CPNE4: variants seen among roughly 807,000 people sequenced by gnomAD.
CPNE4 encodes copine 4.
Under a neutral mutation model 67.9 loss-of-function variants are expected in CPNE4, and 25 were observed. That is an observed-to-expected ratio of 0.37 (90% CI 0.27 to 0.51). CPNE4 has a LOEUF of 0.51. Among genes scored for constraint, CPNE4 ranks in the 20% least tolerant of loss-of-function variants. CPNE4 has a pLI of 0.93. For synonymous variants in CPNE4, 242 were observed against 244.9 expected (o/e 0.99, Z 0.11); for missense variants, 464 against 690.8 (o/e 0.67, Z 3.68).
chr3:131,537,282 T>G (rs563993027), intron 15 of CPNE4, among the ~76,000 whole-genome samples: 2 of 143,592 alleles, frequency 1.4e-5, no homozygotes, highest in South Asian at 2.2e-4. Context: ...TTTTCTTTTC[T>G]GTTTTTTTTT....
intron 6 of CPNE4, 85 bp from the exon 7 acceptor site, chr3:131,669,849 A>G (rs2080364378): frequency 2.0e-6 from 2 of 1,024,118 alleles, no homozygotes; most frequent in Non-Finnish European, 3.0e-6. Context: ...TTGAGAAACC[A>G]TTGTGATGCT....
At chr3:131,971,300 G>T (rs2072494677) in intron 1 of CPNE4, among the ~76,000 whole-genome samples, 1 of 152,168 alleles carries the variant, frequency 6.6e-6, no homozygotes, top group South Asian at 2.1e-4. Flanking sequence ...GTAAGTCCTA[G>T]AACATCACTT....
At chr3:131,651,125 A>G (rs2079807149) in intron 7 of CPNE4, among the ~76,000 whole-genome samples, 1 of 152,168 alleles carries the variant, frequency 6.6e-6, no homozygotes, top group Admixed American at 6.5e-5. Flanking sequence ...AAGGCAAAAG[A>G]GAGTTTTTAT....
chr3:131,968,171 C>T lies in CPNE4; in HGVS notation c.-1-62727G>A, dbSNP rs140005258. ...GCTAGTGATATTCAGAAAACTGAAA[C>T]TGGACCCCTTCCTTACACCTTATAC... On this transcript the variant is annotated intron_variant, in intron 1 of 15. Transcript: ENST00000429747. Among the ~76,000 whole-genome samples the T allele has an allele frequency of 2.4e-3, 365 of 152,276 alleles. 3 individuals carry two copies. The highest frequency in any genetic ancestry group is 8.4e-3 in the African/African-American group (350 of 41,550).
At chr3:131,538,115 G>A (rs1341430435) in intron 15 of CPNE4, among the ~76,000 whole-genome samples, 1 of 152,222 alleles carries the variant, frequency 6.6e-6, no homozygotes, top group South Asian at 2.1e-4. Context: ...ATCCCTGTAA[G>A]ATGGATTTAC....
At chr3:131,619,627 G>A (rs1198846280) in intron 7 of CPNE4, among the ~76,000 whole-genome samples, 4 of 152,204 alleles carry the variant, frequency 2.6e-5, no homozygotes, top group Admixed American at 6.5e-5. Flanking sequence ...TTCAAACAAA[G>A]GTGTGCCTGA....
At chr3:131,779,854 A>G (rs1560294398) in intron 2 of CPNE4, among the ~76,000 whole-genome samples, 3 of 152,166 alleles carry the variant, frequency 2.0e-5, no homozygotes, top group African/African-American at 7.2e-5. Flanking sequence ...TAATTAAACT[A>G]AAGAACTTCT....
intron 1 of CPNE4, among the ~76,000 whole-genome samples, chr3:132,015,427 G>C (rs560208344): frequency 1.7e-4 from 26 of 152,100 alleles, no homozygotes; most frequent in Non-Finnish European, 3.2e-4. Flanking sequence ...TAAAAGAAGG[G>C]AAGGAAAGCT....
rs557344648 is a variant in CPNE4 at position 131,834,719 on chromosome 3, G to GA, written c.180+70544dup. ...ATCTGATCTTAGGAGGTAAAAAGAA[G>GA]AAATCACAGTAGAAAAAAACTATAG... On this transcript the variant is annotated intron_variant, in intron 2 of 15. Coordinates refer to ENST00000429747, the MANE Select transcript of CPNE4 (RefSeq NM_130808.3). Among the ~76,000 whole-genome samples the GA allele has an allele frequency of 4.4e-3, 670 of 152,032 alleles. 10 individuals are homozygous for GA. The highest frequency in any genetic ancestry group is 0.015 in the African/African-American group (630 of 41,492).
intron 1 of CPNE4, among the ~76,000 whole-genome samples, chr3:131,951,734 C>T (rs956369428): frequency 3.7e-4 from 57 of 152,228 alleles, no homozygotes; most frequent in African/African-American, 1.3e-3. Flanking sequence ...GACTGGTTTT[C>T]GTATTTTTTT....
intron 2 of CPNE4, among the ~76,000 whole-genome samples, chr3:131,830,208 C>A (rs1385394487): frequency 2.1e-4 from 32 of 152,114 alleles, no homozygotes; most frequent in Admixed American, 2.1e-3. Flanking sequence ...CACTCCATAT[C>A]CAATTCATCC....
At chr3:131,936,650 C>CA (rs112919063) in intron 1 of CPNE4, among the ~76,000 whole-genome samples, 26,385 of 149,172 alleles carry the variant, frequency 0.18, 2,799 homozygotes, top group African/African-American at 0.31. Context: ...TGGAAAAGAG[C>CA]AAAAAAAAAA....
At position 131,757,646 on chromosome 3, in the gene CPNE4, G is replaced by A. The variant is rs1320927415; in HGVS notation, c.181-34021C>T. Among the ~76,000 whole-genome samples the A allele has an allele frequency of 3.3e-5, 5 of 152,212 alleles. No homozygotes were observed. In the East Asian group the frequency reaches 9.6e-4, roughly 29 times the overall value. ...CTGCAGAAATTTGCATAAGTAGCAA[G>A]GAACCTAATGTTAATCCCCAACACC... On this transcript the variant is annotated intron_variant, in intron 2 of 15. Transcript: ENST00000429747.
chr3:131,657,121 A>G (rs560552662), intron 7 of CPNE4, among the ~76,000 whole-genome samples: 2 of 152,296 alleles, frequency 1.3e-5, no homozygotes, highest in African/African-American at 2.4e-5. Flanking sequence ...GCTATTTACT[A>G]TTTATTATTA....
chr3:131,824,177 AAT>A, intron 2 of CPNE4, among the ~76,000 whole-genome samples: 1 of 142,988 alleles, frequency 7.0e-6, no homozygotes, highest in African/African-American at 2.9e-5. Flanking sequence ...TCTTTATATA[AAT>A]AAAGAAAGGT....
chr3:131,983,643 T>C (rs1021910527), intron 1 of CPNE4, among the ~76,000 whole-genome samples: 20 of 152,184 alleles, frequency 1.3e-4, no homozygotes, highest in African/African-American at 4.8e-4. Flanking sequence ...TCCTAAAATT[T>C]TGGCATGATC....
chr3:131,832,420 G>C (rs956463960), intron 2 of CPNE4, among the ~76,000 whole-genome samples: 1 of 152,148 alleles, frequency 6.6e-6, no homozygotes, highest in Non-Finnish European at 1.5e-5. Context: ...TCAAGGACTA[G>C]ACAGAGTCTC....
chr3:131,906,056 A>G (rs2088737818), intron 1 of CPNE4, among the ~76,000 whole-genome samples: 1 of 152,118 alleles, frequency 6.6e-6, no homozygotes, highest in South Asian at 2.1e-4. Flanking sequence ...CCCACCTGCC[A>G]TATCAGAATT....
rs150650588 is a variant in CPNE4 at position 131,920,872 on chromosome 3, C to T, written c.-1-15428G>A. Among the ~76,000 whole-genome samples, 1,185 of 152,224 alleles carry T rather than the reference C, an allele frequency of 7.8e-3. 18 individuals carry two copies. The highest frequency in any genetic ancestry group is 0.027 in the African/African-American group (1,129 of 41,540). ...GGGCACTGCTCCTCGATTCTCCTTC[C>T]TCCCTCTCCGCAAATTGAGCTTGTC... On this transcript the variant is annotated intron_variant, in intron 1 of 15. Transcript: ENST00000429747.
Sources: gnomAD v4.1 joint callset for allele counts (sites outside exome capture counted in the v4.1 genomes callset) on GRCh38, gnomAD v4.1.1 for gene constraint, MANE v1.5 for transcripts, NCBI Gene and HGNC (gene_info 2026-07-23, HGNC 2026-07-21) for gene names.